The following RBFOX1 variants were observed in gnomAD, a reference collection of about 807,000 sequenced individuals.
RBFOX1 encodes RNA binding protein fox-1 homolog 1.
RBFOX1 carries 8 observed loss-of-function variants against 57.7 expected under a neutral mutation model. The ratio of observed to expected loss-of-function variants is 0.14; its 90% CI spans 0.08 to 0.25. The LOEUF (loss-of-function observed/expected upper bound fraction) is 0.25, where lower values mean the gene tolerates loss of function less well. Among genes scored for constraint, RBFOX1 ranks in the 10% least tolerant of loss-of-function variants. The pLI, the probability that RBFOX1 is intolerant of heterozygous loss-of-function variation, is 1.00. For missense variants in RBFOX1, 611 were observed against 548.5 expected (o/e 1.11, Z -1.14); for synonymous variants, 326 against 222.4 (o/e 1.47, Z -4.15).
At chr16:5,433,069 G>T (rs953146073) in intron 1 of RBFOX1, among the ~76,000 whole-genome samples, 1 of 152,156 alleles carries the variant, frequency 6.6e-6, no homozygotes, top group African/African-American at 2.4e-5. Context: ...GAAAACGCAG[G>T]AGACCGAAGA....
At chr16:7,356,852 T>C (rs1024178026) in intron 4 of RBFOX1, among the ~76,000 whole-genome samples, 1 of 152,202 alleles carries the variant, frequency 6.6e-6, no homozygotes, top group Non-Finnish European at 1.5e-5. Context: ...GCGTAGTCTT[T>C]CGTCTTCAGT....
At chr16:5,911,144 G>T (rs1013463483) in intron 4 of RBFOX1, among the ~76,000 whole-genome samples, 11 of 152,174 alleles carry the variant, frequency 7.2e-5, no homozygotes, top group Non-Finnish European at 1.6e-4. Flanking sequence ...GGAGCCTGGG[G>T]TGCTTGGCAG....
chr16:7,516,167 C>G (rs2076310910), intron 4 of RBFOX1, among the ~76,000 whole-genome samples: 1 of 152,066 alleles, frequency 6.6e-6, no homozygotes, highest in Admixed American at 6.6e-5. Flanking sequence ...CTTGGCAGCT[C>G]CAGGCTTATG....
chr16:6,046,459 C>T (rs140828598), intron 1 of RBFOX1, among the ~76,000 whole-genome samples: 7 of 152,070 alleles, frequency 4.6e-5, no homozygotes, highest in South Asian at 4.1e-4. Context: ...CTTTCAAGTG[C>T]GGATTTAAGA....
intron 3 of RBFOX1, among the ~76,000 whole-genome samples, chr16:6,934,930 AG>A (rs1798474912): frequency 6.6e-6 from 1 of 152,038 alleles, no homozygotes; most frequent in African/African-American, 2.4e-5. Context: ...TACCAAAAAT[AG>A]AAAAAAATTA....
chr16:6,724,636 G>C (rs1383778220), intron 3 of RBFOX1, among the ~76,000 whole-genome samples: 1 of 152,180 alleles, frequency 6.6e-6, no homozygotes, highest in Admixed American at 6.5e-5. Flanking sequence ...CACCCAGTCT[G>C]TGGAATTTTG....
At chr16:5,320,860 G>A (rs2064382484) in intron 1 of RBFOX1, among the ~76,000 whole-genome samples, 1 of 152,172 alleles carries the variant, frequency 6.6e-6, no homozygotes, top group Non-Finnish European at 1.5e-5. Flanking sequence ...GGCTGTGTGT[G>A]CGCAGCTGAA....
chr16:7,326,954 T>G (rs894775369), intron 4 of RBFOX1, among the ~76,000 whole-genome samples: 28 of 152,262 alleles, frequency 1.8e-4, no homozygotes, highest in African/African-American at 5.5e-4. Flanking sequence ...AGTGGACATT[T>G]TAGTCATTGG....
intron 1 of RBFOX1, among the ~76,000 whole-genome samples, chr16:6,052,726 G>C (rs2095566569): frequency 6.6e-6 from 1 of 151,694 alleles, no homozygotes; most frequent in South Asian, 2.1e-4. Flanking sequence ...GGAGCTTGCA[G>C]TGAGCCGAGA....
At chr16:7,051,214 A>G (rs983972522) in intron 3 of RBFOX1, among the ~76,000 whole-genome samples, 3 of 152,204 alleles carry the variant, frequency 2.0e-5, no homozygotes, top group Admixed American at 6.5e-5. Flanking sequence ...AGTGGAGTCT[A>G]CCAGCTCCTG....
At chr16:7,089,071 A>G (rs911973874) in intron 4 of RBFOX1, among the ~76,000 whole-genome samples, 2 of 152,102 alleles carry the variant, frequency 1.3e-5, no homozygotes, top group Non-Finnish European at 2.9e-5. Flanking sequence ...GAGCCTTGTC[A>G]TTTACACCCT....
At position 7,417,513 on chromosome 16, in the gene RBFOX1, C is replaced by G. The variant is rs150593781; in HGVS notation, c.28-100634C>G. The stretch of plus-strand genomic sequence containing the variant: ...TGCATCCGCCTTATTCGGATTTCAC[C>G]AGCTTCACATGGTATTGTGTGTGTG... On this transcript the variant is annotated intron_variant, in intron 4 of 15. Coordinates refer to ENST00000550418, the MANE Select transcript of RBFOX1 (RefSeq NM_018723.4). 4.8e-3 allele frequency among the ~76,000 whole-genome samples: 650 copies of G among 136,490 alleles called. 6 individuals are homozygous for G. The highest frequency in any genetic ancestry group is 0.016 in the African/African-American group (615 of 37,360). The allele number at this position is 136,490 out of a possible 152,430, so 89.5% of individuals were successfully genotyped here. A position where few individuals can be genotyped will look rare whatever the true frequency, so the allele number is the denominator to read the frequency against.
At chr16:6,806,817 A>AATATATATAT (rs1250190342) in intron 3 of RBFOX1, among the ~76,000 whole-genome samples, 25 of 85,114 alleles carry the variant, frequency 2.9e-4, no homozygotes, top group East Asian at 9.3e-4. Flanking sequence ...TAAATATATA[A>AATATATATAT]ATATATATAT....
intron 1 of RBFOX1, among the ~76,000 whole-genome samples, chr16:6,315,038 T>C (rs1050016184): frequency 3.3e-5 from 5 of 152,218 alleles, no homozygotes; most frequent in Non-Finnish European, 5.9e-5. Context: ...GTTCCTGACA[T>C]TTAGAAGGCT....
intron 4 of RBFOX1, among the ~76,000 whole-genome samples, chr16:5,965,241 A>G (rs752684112): frequency 4.6e-5 from 7 of 152,194 alleles, no homozygotes; most frequent in Non-Finnish European, 1.0e-4. Flanking sequence ...TATAGTGACT[A>G]TAGTTAATAA....
chr16:7,182,969 C>G (rs2141900), intron 4 of RBFOX1, among the ~76,000 whole-genome samples: 39,449 of 152,102 alleles, frequency 0.26, 5,799 homozygotes, highest in East Asian at 0.41. Flanking sequence ...CCTTCCCACA[C>G]TGGAATCTAA....
chr16:5,257,593 G>A (rs997288643), intron 1 of RBFOX1, among the ~76,000 whole-genome samples: 34 of 152,148 alleles, frequency 2.2e-4, no homozygotes, highest in Non-Finnish European at 4.0e-4. Flanking sequence ...TGTCTCTGGC[G>A]CTGAGTTCTT....
At chr16:5,912,684 A>C (rs147049024) in intron 4 of RBFOX1, among the ~76,000 whole-genome samples, 50 of 152,348 alleles carry the variant, frequency 3.3e-4, no homozygotes, top group African/African-American at 1.2e-3. Flanking sequence ...TCAGTGCAGT[A>C]ATTTAAGCAT....
At chr16:6,676,407 A>C (rs965368240) in intron 3 of RBFOX1, among the ~76,000 whole-genome samples, 1 of 152,066 alleles carries the variant, frequency 6.6e-6, no homozygotes, top group Non-Finnish European at 1.5e-5. Context: ...GCCCAAGGTC[A>C]ACTCTCAATA....
Sources: gnomAD v4.1 joint callset for allele counts (sites outside exome capture counted in the v4.1 genomes callset) on GRCh38, gnomAD v4.1.1 for gene constraint, MANE v1.5 for transcripts, NCBI Gene and HGNC (gene_info 2026-07-23, HGNC 2026-07-21) for gene names.